Variants in AFAP1L2 observed in about 807,000 individuals in gnomAD.
AFAP1L2 encodes the protein actin filament-associated protein 1-like 2.
A neutral mutation model predicts 99.3 loss-of-function variants in AFAP1L2; 46 were observed. The ratio of observed to expected loss-of-function variants is 0.46; its 90% CI spans 0.37 to 0.59. AFAP1L2 has a LOEUF of 0.59. AFAP1L2 is among the 20% of genes least tolerant of loss of function. The probability of loss-of-function intolerance (pLI) is 0.00; values close to 1 mark genes in which losing one functional copy is unlikely to be tolerated. For synonymous variants in AFAP1L2, 397 were observed against 419.1 expected (o/e 0.95, Z 0.64); for missense variants, 959 against 1,034.9 (o/e 0.93, Z 1.01).
chr10:114,300,367 G>T lies in AFAP1L2; in HGVS notation c.1789-5C>A, dbSNP rs1467622587. 2 of 1,614,002 alleles carry T rather than the reference G, an allele frequency of 1.2e-6. No individual in the cohort carries two copies. Among genetic ancestry groups the T allele is most frequent in the African/African-American group, 2.7e-5 (2 of 74,924 alleles). On this transcript the variant is annotated splice_region_variant and splice_polypyrimidine_tract_variant and intron_variant, in intron 14 of 18. Transcript: ENST00000304129. ...TGGCTCCAAACTCTCCAGCTGCTTT[G>T]GGGGAAAGCAGACCTGACTCAGCTG... is the stretch of plus-strand genomic sequence containing the variant.
rs1360015956 is a variant in AFAP1L2 at position 114,404,427 on chromosome 10, C to A, written c.16+13G>T. On this transcript the variant is annotated intron_variant, in intron 1 of 18. Transcript: ENST00000304129. ...GAGTGGGTGTGCGCCGCGCGAGGAA[C>A]CCGCGCCCTCACCTTTGTACCGCTC... is the stretch of plus-strand genomic sequence containing the variant. 2 of 1,543,100 alleles carry A rather than the reference C, an allele frequency of 1.3e-6. 1 individual carries two copies. The highest frequency in any genetic ancestry group is 2.7e-5 in the African/African-American group (2 of 72,988).
chr10:114,404,018 C>T (rs1217281856), intron 1 of AFAP1L2, among the ~76,000 whole-genome samples: 1 of 152,336 alleles, frequency 6.6e-6, no homozygotes, highest in Middle Eastern at 3.4e-3. Context: ...CGGCGGGCGC[C>T]CGGGAGAAAG....
chr10:114,308,426 A>C lies in AFAP1L2; in HGVS notation c.967+7T>G, dbSNP rs370538404. 61 of 1,612,630 alleles carry C rather than the reference A, an allele frequency of 3.8e-5. No individual in the cohort carries two copies. Among genetic ancestry groups the C allele is most frequent in the Non-Finnish European group, 5.1e-5 (60 of 1,178,806 alleles). ...ACACCATTCCCCTCCCAACCACATGATGTTACCGTCTTTGGTTTCTGGGAC... is the reference window on the plus strand; with the variant it reads ...ACACCATTCCCCTCCCAACCACATGCTGTTACCGTCTTTGGTTTCTGGGAC... On this transcript the variant is annotated splice_region_variant and intron_variant, in intron 9 of 18. Transcript: ENST00000304129.
chr10:114,357,227 G>T (rs59447802), intron 1 of AFAP1L2, among the ~76,000 whole-genome samples: 14,453 of 152,116 alleles, frequency 0.095, 1,783 homozygotes, highest in African/African-American at 0.28. Flanking sequence ...AGTCTCAAAA[G>T]GACGCCTCGG....
In AFAP1L2 at chr10:114,377,602, A is replaced by G. The variant is rs1017687037; in HGVS notation, c.16+26838T>C. On this transcript the variant is annotated intron_variant, in intron 1 of 18. Transcript: ENST00000304129. The surrounding 1 kb of genome is among the most constrained non-coding windows in gnomAD (Gnocchi z 4.0). ...CAAGGTCTTGGCAAAATAGCAGTCA[A>G]TGGTATAGAGTGGTTATTCGATTTC... Among the ~76,000 whole-genome samples, 5 of 152,226 alleles carry G rather than the reference A, an allele frequency of 3.3e-5. No individual in the cohort carries two copies. The highest frequency in any genetic ancestry group is 1.2e-4 in the African/African-American group (5 of 41,464).
In AFAP1L2 at chr10:114,393,972, T is replaced by A. The variant is rs146692676; in HGVS notation, c.16+10468A>T. On this transcript the variant is annotated intron_variant, in intron 1 of 18. Coordinates refer to ENST00000304129, the MANE Select transcript of AFAP1L2 (RefSeq NM_001001936.3). ...ACCAGTCCCTCCTCTGATACTCAGT[T>A]CCAGGAGACTTGGGATGGCGGTGGG... Among the ~76,000 whole-genome samples the A allele has an allele frequency of 3.0e-3, 451 of 152,296 alleles. 3 individuals carry two copies. Among genetic ancestry groups the A allele is most frequent in the African/African-American group, 0.01 (423 of 41,556 alleles).
At chr10:114,289,874 C>T (rs1187526703), downstream of AFAP1L2, 3 of 339,204 alleles carry the variant, frequency 8.8e-6, no homozygotes, top group African/African-American at 4.2e-5. Context: ...CCAGTGACCT[C>T]CTCTTCACCT....
At chr10:114,305,670 T>C (rs1234710713) in intron 10 of AFAP1L2, among the ~76,000 whole-genome samples, 1 of 107,376 alleles carries the variant, frequency 9.3e-6, no homozygotes, top group Non-Finnish European at 1.8e-5. Context: ...GGGATGCAGG[T>C]GCAGGAGGGG....
intron 1 of AFAP1L2, among the ~76,000 whole-genome samples, chr10:114,399,727 C>T (rs373344228): frequency 5.9e-5 from 9 of 152,300 alleles, no homozygotes; most frequent in African/African-American, 2.2e-4. Context: ...CTCTTTCCCA[C>T]TAAGTCTGCT....
intron 1 of AFAP1L2, among the ~76,000 whole-genome samples, chr10:114,402,473 G>C (rs904923994): frequency 2.0e-5 from 3 of 152,138 alleles, no homozygotes; most frequent in Non-Finnish European, 4.4e-5. Flanking sequence ...ACTGGAATTT[G>C]AGTTGGATTA....
intron 7 of AFAP1L2, among the ~76,000 whole-genome samples, chr10:114,310,970 C>T (rs542829528): frequency 2.7e-5 from 4 of 150,898 alleles, no homozygotes; most frequent in South Asian, 4.3e-4. Flanking sequence ...CCCGCCCGCC[C>T]GCCTCTGGGA....
intron 1 of AFAP1L2, among the ~76,000 whole-genome samples, chr10:114,346,472 G>A (rs2049594954): frequency 2.6e-5 from 4 of 152,216 alleles, no homozygotes; most frequent in Admixed American, 2.6e-4. Context: ...TCCAGCCACA[G>A]GCTTGGGGAA....
At chr10:114,307,604 T>G (rs926484013) in intron 10 of AFAP1L2, among the ~76,000 whole-genome samples, 2 of 151,902 alleles carry the variant, frequency 1.3e-5, no homozygotes, top group South Asian at 4.1e-4. Context: ...GCCCCAACAT[T>G]GCAGCAAGAG....
downstream of AFAP1L2, chr10:114,290,030 C>T (rs575822389): frequency 1.2e-5 from 6 of 504,540 alleles, no homozygotes; most frequent in Middle Eastern, 5.4e-4. Context: ...GTGTATGGCA[C>T]GTCTGAGCAA....
rs757928986 is a variant in AFAP1L2 at position 114,295,523 on chromosome 10, T to C, written c.*519A>G. On this transcript the variant is annotated 3_prime_UTR_variant, in exon 19 of 19. Transcript: ENST00000304129. Reference sequence around the variant, plus strand: ...TTTTACAGATGATGTCAATGCTGTTTAAAATCACTGAAGACTGAGTTGGGC... The same window carrying C: ...TTTTACAGATGATGTCAATGCTGTTCAAAATCACTGAAGACTGAGTTGGGC... The C allele has an allele frequency of 4.1e-6, 4 of 985,630 alleles. No homozygotes were observed. The highest frequency in any genetic ancestry group is 4.8e-6 in the Non-Finnish European group (4 of 830,082). The allele number at this position is 985,630 out of a possible 1,614,324, so 61.1% of individuals were successfully genotyped here. A position where few individuals can be genotyped will look rare whatever the true frequency, so the allele number is the denominator to read the frequency against.
In AFAP1L2 at chr10:114,296,951, C is replaced by G. The variant is rs2040331616; in HGVS notation, c.2430+27G>C. 2.5e-6 allele frequency: 4 copies of G among 1,613,938 alleles called. No homozygotes were observed. In the East Asian group the frequency reaches 8.9e-5, roughly 36 times the overall value. ...ACCTTAGTGACATTTCTGCTGGCCC[C>G]AAGGGAGGCTGGGAGTGACTGCTTA... is the stretch of plus-strand genomic sequence containing the variant. On this transcript the variant is annotated intron_variant, in intron 18 of 18. Transcript: ENST00000304129.
chr10:114,327,000 AATG>A (rs2046379581), intron 4 of AFAP1L2, among the ~76,000 whole-genome samples: 1 of 150,844 alleles, frequency 6.6e-6, no homozygotes, highest in African/African-American at 2.4e-5. Flanking sequence ...TGCTGGGTTA[AATG>A]ATGAGTCACA....
chr10:114,327,946 T>C (rs2046634085), intron 4 of AFAP1L2, among the ~76,000 whole-genome samples: 1 of 152,210 alleles, frequency 6.6e-6, no homozygotes, highest in South Asian at 2.1e-4. Context: ...GCCACGGCAA[T>C]GTCCTTTTAG....
chr10:114,323,367 GACTTTAA>G (rs1423082389), intron 4 of AFAP1L2, 106 bp from the exon 5 acceptor site: 13 of 937,140 alleles, frequency 1.4e-5, no homozygotes, highest in Non-Finnish European at 2.1e-5. Context: ...TGCCCAGCTG[GACTTTAA>G]ACTTTAAGCA....
Sources: allele counts gnomAD v4.1 joint callset (sites outside exome capture counted in the v4.1 genomes callset), GRCh38; gene constraint gnomAD v4.1.1; non-coding constraint Gnocchi (gnomAD v3.1); transcripts MANE v1.5; gene names NCBI Gene and HGNC (gene_info 2026-07-23, HGNC 2026-07-21).